Variants in TTC17 observed in about 807,000 individuals in gnomAD.
TTC17 encodes the protein tetratricopeptide repeat domain 17, also known as tetratricopeptide repeat protein 17.
In TTC17, 58 loss-of-function variants were observed where a neutral mutation model predicts 143.8. That is an observed-to-expected ratio of 0.40 (90% confidence interval 0.33 to 0.50). The LOEUF (loss-of-function observed/expected upper bound fraction) is 0.50. TTC17 is among the 20% of genes least tolerant of loss of function. TTC17 has a pLI of 0.49. For missense variants in TTC17, 1,273 were observed against 1,392.5 expected, an observed-to-expected ratio of 0.91 and a Z score of 1.37; for synonymous variants, 501 against 497.8, an observed-to-expected ratio of 1.01 and a Z score of -0.09.
rs1249153185 is a variant in TTC17, at chr11:43,446,195, A to G, written c.2666-1807A>G. ...TTACCTCAGTGCCTTTGCACATGCT[A>G]TTCCCTCTGCCTGGAATGCCCTGTG... is the stretch of plus-strand genomic sequence containing the variant. On this transcript the variant is annotated intron_variant, in intron 18 of 23. Transcript: ENST00000039989. The G allele has an allele frequency of 4.6e-6, 6 of 1,293,112 alleles. No individual in the cohort carries two copies. In the Admixed American group the frequency reaches 1.0e-4, roughly 22 times the overall value. The allele number at this position is 1,293,112 out of a possible 1,614,324, so 80.1% of individuals were successfully genotyped here. A position where few individuals can be genotyped will look rare whatever the true frequency, so the allele number is the denominator to read the frequency against.
intron 1 of TTC17, among the ~76,000 whole-genome samples, chr11:43,370,795 G>GGTTTGTTTGTTT (rs67992959): frequency 3.5e-4 from 52 of 150,544 alleles, no homozygotes; most frequent in Non-Finnish European, 6.1e-4. Context: ...AGAGGGGGCA[G>GGTTTGTTTGTTT]GTTTGTTTGT....
chr11:43,444,406 G>A, intron 18 of TTC17, 197 bp downstream of exon 18: 1 of 434,132 alleles, frequency 2.3e-6, no homozygotes, highest in African/African-American at 2.0e-5. Flanking sequence ...GCAAATTCCA[G>A]TGGATTTAAC....
intron 9 of TTC17, among the ~76,000 whole-genome samples, chr11:43,400,685 C>G (rs565848891): frequency 1.4e-3 from 215 of 152,152 alleles, no homozygotes; most frequent in African/African-American, 5.1e-3. Context: ...TGTATGTGTC[C>G]AATTTTATTT....
rs74501054 is a variant in TTC17, at chr11:43,437,772, C to G, written c.2252-5553C>G. Among the ~76,000 whole-genome samples the G allele has an allele frequency of 6.2e-3, 937 of 152,230 alleles. 13 individuals are homozygous for G. The highest frequency in any genetic ancestry group is 0.021 in the African/African-American group (884 of 41,532). ...ATACACATAGTACATGATCAGTAAA[C>G]ATCTGTTCAGTTCAAGGGAGCCATA... On this transcript the variant is annotated intron_variant, in intron 16 of 23. Transcript: ENST00000039989.
At chr11:43,458,962 A>G (rs1947814316) in intron 21 of TTC17, among the ~76,000 whole-genome samples, 1 of 125,684 alleles carries the variant, frequency 8.0e-6, no homozygotes, top group African/African-American at 2.6e-5. Flanking sequence ...AGTTTGTATA[A>G]GGTTCGAATA....
chr11:43,453,646 T>C (rs1947708073), intron 21 of TTC17, among the ~76,000 whole-genome samples: 1 of 152,094 alleles, frequency 6.6e-6, no homozygotes, highest in African/African-American at 2.4e-5. Context: ...GCAGCATTGG[T>C]ATAAGGGACT....
At chr11:43,435,007 A>G (rs1947253247) in intron 16 of TTC17, 1 of 151,912 alleles carries the variant, frequency 6.6e-6, no homozygotes, top group Admixed American at 6.6e-5. Flanking sequence ...ATCAGTCAAG[A>G]AAGAGACATC....
chr11:43,448,769 G>T (rs771017538), intron 19 of TTC17: 1 of 152,032 alleles, frequency 6.6e-6, no homozygotes, highest in African/African-American at 2.4e-5. Flanking sequence ...TTGCACTCAG[G>T]CAACCCATGC....
At chr11:43,432,639 A>G (rs1430711551) in intron 16 of TTC17, among the ~76,000 whole-genome samples, 4 of 152,230 alleles carry the variant, frequency 2.6e-5, no homozygotes, top group Non-Finnish European at 5.9e-5. Context: ...GTCAGCAAAA[A>G]ATAAGTCTTA....
intron 21 of TTC17, 85 bp from the exon 22 acceptor site, chr11:43,490,154 A>C: frequency 6.6e-7 from 1 of 1,524,898 alleles, no homozygotes; most frequent in Admixed American, 1.9e-5. Flanking sequence ...TTGAATGGTC[A>C]TGACTTGTGT....
At position 43,472,951 on chromosome 11, in the gene TTC17, G is replaced by C. The variant is rs143703467; in HGVS notation, c.3031-17288G>C. 3.6e-4 allele frequency among the ~76,000 whole-genome samples: 55 copies of C among 152,082 alleles called. No homozygotes were observed. In the East Asian group the frequency reaches 0.01, roughly 28 times the overall value. On this transcript the variant is annotated intron_variant, in intron 21 of 23. Transcript: ENST00000039989. ...GCACTTTGGGAGGCCAAGACCTGCA[G>C]ATCACCTGAGGTCAGGAGATCGAGA...
At chr11:43,390,635 A>T (rs1857346520) in intron 3 of TTC17, among the ~76,000 whole-genome samples, 2 of 151,182 alleles carry the variant, frequency 1.3e-5, no homozygotes, top group African/African-American at 2.4e-5. Context: ...AAAAAATAAA[A>T]AATAAATAAA....
Position 43,391,485 on chromosome 11 carries a change from C to T in TTC17, c.440C>T (p.Thr147Ile), listed in dbSNP as rs766570868. Residue 147 changes from threonine (T) to isoleucine (I), a missense_variant, in exon 4 of 24, where the codon ACA becomes ATA. Transcript: ENST00000039989. ...KDISPEDYID[T>I]ESPVPPDPEQ... ...TTTAGTCCTGAAGATTATATAGACA[C>T]AGAATCTCCTGTCCCTCCAGACCCA... is the stretch of plus-strand genomic sequence containing the variant. 2 of 1,604,162 alleles carry T rather than the reference C, an allele frequency of 1.2e-6. No homozygotes were observed. The highest frequency in any genetic ancestry group is 2.2e-5 in the East Asian group (1 of 44,740).
At chr11:43,413,852 G>A (rs1383365678) in intron 15 of TTC17, among the ~76,000 whole-genome samples, 4 of 152,176 alleles carry the variant, frequency 2.6e-5, no homozygotes, top group African/African-American at 9.6e-5. Context: ...GCTGGTAGGA[G>A]TGTAAATTTG....
In TTC17 at chr11:43,490,331, T is replaced by G; in HGVS notation, c.3123T>G (p.Ala1041=). The G allele has an allele frequency of 6.2e-7, 1 of 1,611,670 alleles. No homozygotes were observed. Among genetic ancestry groups the G allele is most frequent in the Non-Finnish European group, 8.5e-7 (1 of 1,178,584 alleles). ...GKKAIDCLRQ[A]LHYAPHQMKD... ...AGGCAATCGACTGCCTCCGCCAGGC[T>G]CTGCACTATGCGCCACACCAGATGA... Residue 1041 remains alanine, a synonymous_variant, in exon 22 of 24, where the codon GCT becomes GCG. Transcript: ENST00000039989.
At chr11:43,370,499 A>G (rs1021760689) in intron 1 of TTC17, 11 of 153,308 alleles carry the variant, frequency 7.2e-5, no homozygotes, top group Non-Finnish European at 1.5e-4. Context: ...GAAAAATACA[A>G]GATTCTTCCT....
chr11:43,414,910 G>A (rs1946743309), intron 16 of TTC17, 134 bp downstream of exon 16: 2 of 923,316 alleles, frequency 2.2e-6, no homozygotes, highest in East Asian at 2.7e-5. Flanking sequence ...AGATGCATAG[G>A]AAAAGATGTT....
chr11:43,384,144 C>A (rs1399821847), intron 2 of TTC17, among the ~76,000 whole-genome samples: 12 of 139,300 alleles, frequency 8.6e-5, no homozygotes, highest in South Asian at 2.4e-4. Context: ...GACCCTGTCT[C>A]AAAAAAAAAA....
At chr11:43,405,468 A>AAGTT in intron 11 of TTC17, 46 bp from the exon 12 acceptor site, 2 of 1,396,950 alleles carry the variant, frequency 1.4e-6, no homozygotes, top group Non-Finnish European at 2.0e-6. Flanking sequence ...GCATATTGAA[A>AAGTT]TATTGAATCC....
Sources: gnomAD v4.1 joint callset for allele counts (sites outside exome capture counted in the v4.1 genomes callset) on GRCh38, gnomAD v4.1.1 for gene constraint, MANE v1.5 for transcripts, NCBI Gene and HGNC (gene_info 2026-07-23, HGNC 2026-07-21) for gene names.